The following KIF6 variants were observed in gnomAD, a reference collection of about 807,000 sequenced individuals.
KIF6 encodes kinesin-like protein KIF6.
Under a neutral mutation model 112.7 loss-of-function variants are expected in KIF6, and 106 were observed. That is an observed-to-expected ratio of 0.94 (90% CI 0.80 to 1.11). KIF6 has a LOEUF of 1.11. Ranked by LOEUF, KIF6 falls within the 50% of genes least tolerant of loss-of-function variation. KIF6 has a pLI of 0.00. For missense variants in KIF6, 929 were observed against 964.0 expected, an observed-to-expected ratio of 0.96 and a Z score of 0.48; for synonymous variants, 339 against 339.9, an observed-to-expected ratio of 1.00 and a Z score of 0.03.
intron 17 of KIF6, among the ~76,000 whole-genome samples, chr6:39,362,072 C>A (rs1362665954): frequency 6.6e-6 from 1 of 152,056 alleles, no homozygotes; most frequent in East Asian, 1.9e-4. Context: ...TTTGGAGACC[C>A]CAAATGCCTG....
intron 13 of KIF6, among the ~76,000 whole-genome samples, chr6:39,463,203 G>C (rs935199701): frequency 6.6e-6 from 1 of 152,140 alleles, no homozygotes; most frequent in Admixed American, 6.5e-5. Flanking sequence ...TGTCCCTTCT[G>C]TTATTCCTCT....
intron 9 of KIF6, among the ~76,000 whole-genome samples, chr6:39,580,637 A>G (rs1336700846): frequency 6.6e-6 from 1 of 152,212 alleles, no homozygotes; most frequent in Non-Finnish European, 1.5e-5. Flanking sequence ...ATGAAATAAT[A>G]TAATTTCTTT....
At chr6:39,420,951 G>A (rs533875273) in intron 14 of KIF6, among the ~76,000 whole-genome samples, 2 of 152,170 alleles carry the variant, frequency 1.3e-5, no homozygotes, top group Non-Finnish European at 2.9e-5. Flanking sequence ...CACCCACGAT[G>A]AGCCAACTTT....
intron 15 of KIF6, among the ~76,000 whole-genome samples, chr6:39,389,293 G>C (rs867090981): frequency 6.6e-6 from 1 of 152,106 alleles, no homozygotes; most frequent in African/African-American, 2.4e-5. Flanking sequence ...GATTATTCAC[G>C]TGAACGCTGC....
intron 13 of KIF6, among the ~76,000 whole-genome samples, chr6:39,453,478 T>G (rs926607418): frequency 2.0e-5 from 3 of 152,232 alleles, no homozygotes; most frequent in African/African-American, 7.2e-5. Context: ...ACAAATTGTC[T>G]GACTTCCAAC....
At chr6:39,622,396 T>A (rs1783878532) in intron 5 of KIF6, among the ~76,000 whole-genome samples, 1 of 152,220 alleles carries the variant, frequency 6.6e-6, no homozygotes, top group African/African-American at 2.4e-5. Flanking sequence ...TAAATTCTTA[T>A]AATGTATCAA....
intron 5 of KIF6, among the ~76,000 whole-genome samples, chr6:39,631,915 T>C (rs371963072): frequency 2.6e-5 from 4 of 152,168 alleles, no homozygotes; most frequent in Non-Finnish European, 4.4e-5. Context: ...TTGTGAAACT[T>C]ATAAAATTAT....
chr6:39,544,019 T>TTAC (rs1778935145), intron 12 of KIF6, among the ~76,000 whole-genome samples: 1 of 152,242 alleles, frequency 6.6e-6, no homozygotes, highest in Non-Finnish European at 1.5e-5. Context: ...CTCAAAGCAG[T>TTAC]AGATCTGGCT....
chr6:39,471,198 G>T (rs1365254934), intron 13 of KIF6, among the ~76,000 whole-genome samples: 1 of 151,980 alleles, frequency 6.6e-6, no homozygotes, highest in Non-Finnish European at 1.5e-5. Flanking sequence ...TCCTTCCTGA[G>T]GCAGCCTCTC....
chr6:39,599,245 A>G (rs1196407392), intron 6 of KIF6, among the ~76,000 whole-genome samples: 1 of 152,156 alleles, frequency 6.6e-6, no homozygotes, highest in Non-Finnish European at 1.5e-5. Flanking sequence ...ATTCCAAATG[A>G]GTATTCATAT....
intron 13 of KIF6, among the ~76,000 whole-genome samples, chr6:39,451,296 A>T (rs1048832857): frequency 1.3e-5 from 2 of 152,212 alleles, no homozygotes; most frequent in Non-Finnish European, 2.9e-5. Flanking sequence ...AAAAGAGATG[A>T]CGAAAAGTAA....
intron 5 of KIF6, among the ~76,000 whole-genome samples, chr6:39,618,107 G>C (rs1331664533): frequency 6.6e-6 from 1 of 152,098 alleles, no homozygotes. Flanking sequence ...GGTTTCTTTG[G>C]TTATAAAATA....
At chr6:39,445,397 T>C (rs1007291211) in intron 13 of KIF6, among the ~76,000 whole-genome samples, 3 of 152,254 alleles carry the variant, frequency 2.0e-5, no homozygotes, top group African/African-American at 7.2e-5. Context: ...TTTTATTGTT[T>C]AAATATAACA....
At chr6:39,392,849 G>A (rs1336490134) in intron 15 of KIF6, among the ~76,000 whole-genome samples, 4 of 152,208 alleles carry the variant, frequency 2.6e-5, no homozygotes, top group African/African-American at 9.7e-5. Context: ...AGCAAATGGA[G>A]GCAAATGGTA....
chr6:39,338,861 C>T (rs186934854), intron 22 of KIF6, among the ~76,000 whole-genome samples: 10 of 132,616 alleles, frequency 7.5e-5, no homozygotes, highest in East Asian at 7.3e-4. Context: ...TGAACGCTGC[C>T]GGTGGTAGGG....
chr6:39,609,182 G>A (rs1026933626), intron 6 of KIF6, among the ~76,000 whole-genome samples: 10 of 152,122 alleles, frequency 6.6e-5, no homozygotes, highest in Non-Finnish European at 2.9e-5. Flanking sequence ...AGATGGTGAA[G>A]AAACCACAGA....
rs2150720377 is a variant in KIF6 at position 39,613,177 on chromosome 6, G to C, written c.639+12C>G. ...ATGTTGAAGAAACAGCTTGCAGAGA[G>C]AAGTTTATTACCTCTGCAATCATTC... On this transcript the variant is annotated intron_variant, in intron 6 of 22. Coordinates refer to ENST00000287152, the MANE Select transcript of KIF6 (RefSeq NM_145027.6). The C allele has an allele frequency of 6.4e-7, 1 of 1,557,494 alleles. No homozygotes were observed. The highest frequency in any genetic ancestry group is 8.6e-7 in the Non-Finnish European group (1 of 1,157,034).
chr6:39,590,700 C>T (rs891548758), intron 7 of KIF6, among the ~76,000 whole-genome samples: 1 of 152,086 alleles, frequency 6.6e-6, no homozygotes, highest in African/African-American at 2.4e-5. Context: ...ATCCACCCAC[C>T]TTTGCCTCCT....
intron 9 of KIF6, among the ~76,000 whole-genome samples, chr6:39,580,590 T>C (rs976418912): frequency 6.6e-6 from 1 of 152,222 alleles, no homozygotes; most frequent in African/African-American, 2.4e-5. Flanking sequence ...TATGGTTGAA[T>C]GTTTAATGTG....
Sources: allele counts gnomAD v4.1 joint callset (sites outside exome capture counted in the v4.1 genomes callset), GRCh38; gene constraint gnomAD v4.1.1; transcripts MANE v1.5; gene names NCBI Gene and HGNC (gene_info 2026-07-23, HGNC 2026-07-21).